Variants in JAZF1 observed in about 807,000 individuals in gnomAD.
JAZF1 encodes juxtaposed with another zinc finger protein 1.
In JAZF1, 8 loss-of-function variants were observed where a neutral mutation model predicts 26.4. That is an observed-to-expected ratio of 0.30 (90% CI 0.18 to 0.55). JAZF1 has a LOEUF of 0.55. Among genes scored for constraint, JAZF1 ranks in the 20% least tolerant of loss-of-function variants. The probability of loss-of-function intolerance (pLI) is 0.94; values close to 1 mark genes in which losing one functional copy is unlikely to be tolerated. For missense variants in JAZF1, 199 were observed against 322.0 expected, an observed-to-expected ratio of 0.62 and a Z score of 2.92; for synonymous variants, 126 against 122.3, an observed-to-expected ratio of 1.03 and a Z score of -0.20.
intron 3 of JAZF1, among the ~76,000 whole-genome samples, chr7:27,875,647 A>G (rs1783665479): frequency 6.6e-6 from 1 of 152,218 alleles, no homozygotes; most frequent in Non-Finnish European, 1.5e-5. Flanking sequence ...AGTCTGGGCT[A>G]GGCAGGTGCC....
intron 3 of JAZF1, among the ~76,000 whole-genome samples, chr7:27,855,182 A>G (rs575785789): frequency 1.3e-5 from 2 of 152,224 alleles, no homozygotes; most frequent in Admixed American, 1.3e-4. Flanking sequence ...CAATGAGAAC[A>G]AAGACACACA....
In JAZF1 at chr7:28,041,663, A is replaced by G. The variant is rs543276104; in HGVS notation, c.116-49682T>C. Reference sequence around the variant, plus strand: ...ATGGGTTATGACTATAATACATACCAGAGTTAACAATCTTGATTCCAAGTC... The same window carrying G: ...ATGGGTTATGACTATAATACATACCGGAGTTAACAATCTTGATTCCAAGTC... On this transcript the variant is annotated intron_variant, in intron 1 of 4. Coordinates refer to ENST00000283928, the MANE Select transcript of JAZF1 (RefSeq NM_175061.4). 3.8e-4 allele frequency among the ~76,000 whole-genome samples: 58 copies of G among 152,316 alleles called. 1 individual carries two copies. The highest frequency in any genetic ancestry group is 6.8e-3 in the Middle Eastern group (2 of 294).
chr7:27,967,445 G>A (rs1457638903), intron 2 of JAZF1, among the ~76,000 whole-genome samples: 1 of 152,142 alleles, frequency 6.6e-6, no homozygotes, highest in Non-Finnish European at 1.5e-5. Context: ...AGGGACCCGA[G>A]AGACTAATAC....
chr7:28,148,951 G>C (rs1783067416), intron 1 of JAZF1, among the ~76,000 whole-genome samples: 1 of 152,236 alleles, frequency 6.6e-6, no homozygotes. Flanking sequence ...GATAGGCGAG[G>C]TTTCTACTTA....
intron 3 of JAZF1, among the ~76,000 whole-genome samples, chr7:27,846,746 T>A (rs1783038979): frequency 6.6e-6 from 1 of 152,228 alleles, no homozygotes; most frequent in Non-Finnish European, 1.5e-5. Flanking sequence ...GCCATTTTTA[T>A]GGTTTCTTTG....
In JAZF1 at chr7:27,917,820, T is replaced by A. The variant is rs1209851891; in HGVS notation, c.189-22404A>T. Among the ~76,000 whole-genome samples the A allele has an allele frequency of 2.6e-5, 4 of 152,210 alleles. 1 individual carries two copies. In the East Asian group the frequency reaches 7.7e-4, roughly 29 times the overall value. ...GCTATGACAAGTTTGCATAGACCGT[T>A]TTATTTACTCTAAGCATTGTATTCT... On this transcript the variant is annotated intron_variant, in intron 2 of 4. Coordinates refer to ENST00000283928, the MANE Select transcript of JAZF1 (RefSeq NM_175061.4).
chr7:28,056,532 A>T (rs1426028474), intron 1 of JAZF1, among the ~76,000 whole-genome samples: 1 of 152,104 alleles, frequency 6.6e-6, no homozygotes, highest in African/African-American at 2.4e-5. Flanking sequence ...GTGAGCATGA[A>T]ATTTCACAGA....
At chr7:27,997,570 T>C (rs1261168064) in intron 1 of JAZF1, among the ~76,000 whole-genome samples, 4 of 152,138 alleles carry the variant, frequency 2.6e-5, no homozygotes, top group African/African-American at 7.2e-5. Flanking sequence ...ATTGCTGTGA[T>C]ATATTTTCTT....
rs149300600 is a variant in JAZF1, at chr7:28,135,570, C to T, written c.115+44893G>A. Among the ~76,000 whole-genome samples, 21 of 152,172 alleles carry T rather than the reference C, an allele frequency of 1.4e-4. No homozygotes were observed. In the East Asian group the frequency reaches 4.1e-3, roughly 29 times the overall value. The stretch of plus-strand genomic sequence containing the variant: ...CTGCCAAAATCTTATCTGATAACCG[C>T]CCCCCACACATGGACATCTGGGGAC... On this transcript the variant is annotated intron_variant, in intron 1 of 4. Transcript: ENST00000283928.
chr7:28,147,004 C>T (rs1267725032), intron 1 of JAZF1, among the ~76,000 whole-genome samples: 1 of 151,784 alleles, frequency 6.6e-6, no homozygotes, highest in East Asian at 1.9e-4. Context: ...TTACAGGCGC[C>T]CGCCACTACA....
intron 1 of JAZF1, among the ~76,000 whole-genome samples, chr7:28,062,260 A>T (rs1472416930): frequency 1.3e-5 from 2 of 152,102 alleles, no homozygotes; most frequent in Non-Finnish European, 2.9e-5. Context: ...AAAGCCTAAG[A>T]TTGAGTGAGC....
chr7:28,088,105 G>A (rs1016296772), intron 1 of JAZF1, among the ~76,000 whole-genome samples: 1 of 152,118 alleles, frequency 6.6e-6, no homozygotes, highest in Non-Finnish European at 1.5e-5. Flanking sequence ...TGAAAACCAG[G>A]GGGTCTGAAA....
intron 2 of JAZF1, among the ~76,000 whole-genome samples, chr7:27,958,720 A>G (rs1178922091): frequency 1.3e-5 from 2 of 152,204 alleles, no homozygotes; most frequent in Non-Finnish European, 2.9e-5. Flanking sequence ...AGTAAGGTGA[A>G]ATGTTCTGGC....
chr7:28,003,227 G>GAA lies in JAZF1; in HGVS notation c.116-11248_116-11247dup, dbSNP rs149288537. ...TCATTTTATTTTCTTGGATTTAAAA[G>GAA]AAAAAAAAAACCTCTTTAAAAATGT... On this transcript the variant is annotated intron_variant, in intron 1 of 4. Coordinates refer to ENST00000283928, the MANE Select transcript of JAZF1 (RefSeq NM_175061.4). 9.5e-3 allele frequency among the ~76,000 whole-genome samples: 1,383 copies of GAA among 146,092 alleles called. 25 individuals carry two copies. The highest frequency in any genetic ancestry group is 0.033 in the African/African-American group (1,316 of 39,802).
chr7:28,102,318 T>C (rs746510997), intron 1 of JAZF1, among the ~76,000 whole-genome samples: 3 of 152,252 alleles, frequency 2.0e-5, no homozygotes, highest in South Asian at 2.1e-4. Flanking sequence ...CTCACAGGAC[T>C]ATTGTGAGAA....
intron 1 of JAZF1, among the ~76,000 whole-genome samples, chr7:28,081,004 G>C (rs1784128600): frequency 6.6e-6 from 1 of 152,220 alleles, no homozygotes; most frequent in East Asian, 1.9e-4. Flanking sequence ...GGGGGGAAGG[G>C]AGGGCATCAA....
Position 28,019,623 on chromosome 7 carries a change from C to T in JAZF1, c.116-27642G>A, listed in dbSNP as rs566368621. Among the ~76,000 whole-genome samples, 4 of 152,166 alleles carry T rather than the reference C, an allele frequency of 2.6e-5. No homozygotes were observed. In the East Asian group the frequency reaches 7.8e-4, roughly 30 times the overall value. On this transcript the variant is annotated intron_variant, in intron 1 of 4. Transcript: ENST00000283928. ...AGCTGAATTTACATGTCTTTTCCTACCCCCCTCCTTGACTTTATTTAGCTT... is the reference window on the plus strand; with the variant it reads ...AGCTGAATTTACATGTCTTTTCCTATCCCCCTCCTTGACTTTATTTAGCTT...
At chr7:27,977,286 G>T (rs1274670545) in intron 2 of JAZF1, among the ~76,000 whole-genome samples, 1 of 152,122 alleles carries the variant, frequency 6.6e-6, no homozygotes, top group South Asian at 2.1e-4. Flanking sequence ...ACTTGTATAG[G>T]TCTAGACTTA....
chr7:28,102,355 C>G (rs886551263), intron 1 of JAZF1, among the ~76,000 whole-genome samples: 1 of 152,168 alleles, frequency 6.6e-6, no homozygotes. Context: ...GAATAAAATG[C>G]CTGGCGATAG....
Sources: allele counts gnomAD v4.1 joint callset (sites outside exome capture counted in the v4.1 genomes callset), GRCh38; gene constraint gnomAD v4.1.1; transcripts MANE v1.5; gene names NCBI Gene and HGNC (gene_info 2026-07-23, HGNC 2026-07-21).